The following TRIM34 variants were observed in gnomAD, a reference collection of about 807,000 sequenced individuals.
TRIM34 encodes the protein tripartite motif containing 34.
In TRIM34, 41 loss-of-function variants were observed where a neutral mutation model predicts 38.1. The observed-to-expected ratio is 1.08, with a 90% CI of 0.84 to 1.40. The LOEUF (loss-of-function observed/expected upper bound fraction) is 1.40, where lower values mean the gene tolerates loss of function less well. Among genes scored for constraint, TRIM34 ranks in the 40% most tolerant of loss-of-function variants. The probability of loss-of-function intolerance (pLI) is 0.00; values close to 1 mark genes in which losing one functional copy is unlikely to be tolerated. For missense variants in TRIM34, 556 were observed against 571.4 expected (o/e 0.97, Z 0.27); for synonymous variants, 200 against 202.5 (o/e 0.99, Z 0.10).
At chr11:5,640,673 G>A (rs1320174428) in intron 4 of TRIM34, among the ~76,000 whole-genome samples, 1 of 152,054 alleles carries the variant, frequency 6.6e-6, no homozygotes, top group African/African-American at 2.4e-5. Context: ...AATCAATTAG[G>A]AAGTGTTCCC....
At chr11:5,622,434 G>A (rs1849022735), upstream of TRIM34, among the ~76,000 whole-genome samples, 1 of 142,634 alleles carries the variant, frequency 7.0e-6, no homozygotes, top group African/African-American at 2.6e-5. Context: ...GACAGAGCGA[G>A]ACTACCTCTC....
rs1303277353 is a variant in TRIM34, at chr11:5,633,889, C to A, written c.509C>A (p.Thr170Asn). Residue 170 changes from threonine (T) to asparagine (N), a missense_variant, in exon 3 of 8, where the codon ACT becomes AAT. By Grantham distance (65) the Thr-to-Asn change is moderately conservative (BLOSUM62 0). Coordinates refer to ENST00000429814, the MANE Select transcript of TRIM34 (RefSeq NM_021616.6). The stretch of plus-strand genomic sequence containing the variant: ...GAAGCTGACATCAGAGAAGAGAAAA[C>A]TTCCTGGAAGGCAAGAGGAGATTCT... ...KLEADIREEKTSWKYQVQTER... is the reference protein window; with the variant it reads ...KLEADIREEKNSWKYQVQTER... The A allele has an allele frequency of 1.2e-6, 2 of 1,613,856 alleles. No individual in the cohort carries two copies. The highest frequency in any genetic ancestry group is 1.7e-5 in the Admixed American group (1 of 59,976).
intron 4 of TRIM34, among the ~76,000 whole-genome samples, chr11:5,640,075 T>A (rs927363174): frequency 6.6e-6 from 1 of 152,236 alleles, no homozygotes; most frequent in Non-Finnish European, 1.5e-5. Context: ...CTAAATCTTA[T>A]TCATTCTATC....
chr11:5,643,469 T>A lies in TRIM34; in HGVS notation c.1227T>A (p.Gly409=). 2 of 1,614,218 alleles carry A rather than the reference T, an allele frequency of 1.2e-6. No individual in the cohort carries two copies. The highest frequency in any genetic ancestry group is 1.7e-6 in the Non-Finnish European group (2 of 1,180,038). ...VIGLQNKCKY[G]VFEESLSSDP... ...GGTTACAGAATAAATGTAAGTATGGTGTCTTTGAAGAGTCTTTGTCCTCTG... is the reference window on the plus strand; with the variant it reads ...GGTTACAGAATAAATGTAAGTATGGAGTCTTTGAAGAGTCTTTGTCCTCTG... Residue 409 remains glycine (G), a synonymous_variant, in exon 8 of 8, where the codon GGT becomes GGA. Transcript: ENST00000429814.
chr11:5,642,299 G>A, intron 5 of TRIM34, 107 bp from the exon 6 acceptor site: 1 of 969,136 alleles, frequency 1.0e-6, no homozygotes, highest in Non-Finnish European at 1.5e-6. Context: ...GGCTCAGGGA[G>A]AAGGGTTCAA....
chr11:5,620,158 T>G (rs1380779808), upstream of TRIM34: 29 of 139,090 alleles, frequency 2.1e-4, no homozygotes, highest in Admixed American at 2.0e-3. Flanking sequence ...TTTTTTCCTT[T>G]TCTTTCTTCT....
At chr11:5,631,001 C>A (rs1029539143) in intron 1 of TRIM34, among the ~76,000 whole-genome samples, 1 of 152,228 alleles carries the variant, frequency 6.6e-6, no homozygotes, top group Non-Finnish European at 1.5e-5. Context: ...CTTCATCGCT[C>A]CTAAATGTGG....
chr11:5,622,865 G>A (rs929754120), upstream of TRIM34, among the ~76,000 whole-genome samples: 1 of 152,156 alleles, frequency 6.6e-6, no homozygotes, highest in Non-Finnish European at 1.5e-5. Flanking sequence ...GCCTCAGGAG[G>A]TCCTGACAAC....
chr11:5,620,437 G>A (rs1848949691), upstream of TRIM34, among the ~76,000 whole-genome samples: 1 of 151,346 alleles, frequency 6.6e-6, no homozygotes, highest in African/African-American at 2.4e-5. Context: ...TCCTGAACTC[G>A]TGATCCGCCC....
upstream of TRIM34, among the ~76,000 whole-genome samples, chr11:5,621,589 C>T (rs957713851): frequency 8.5e-5 from 13 of 152,174 alleles, no homozygotes; most frequent in Non-Finnish European, 1.6e-4. Context: ...GATTTTTCTA[C>T]CATTAATATA....
At chr11:5,630,290 CT>C (rs1018722765) in intron 1 of TRIM34, among the ~76,000 whole-genome samples, 1 of 152,102 alleles carries the variant, frequency 6.6e-6, no homozygotes, top group African/African-American at 2.4e-5. Context: ...TAATGATAAC[CT>C]TTTTTTCCCC....
rs1311673347 is a variant in TRIM34 at position 5,642,843 on chromosome 11, G to T, written c.901G>T (p.Val301Leu). ...ACTGACAGCTGTCCGGTGCTACTGG[G>T]GTAAGAAAAAGTTAGTCTTTAAATA... Reference protein sequence around the residue: ...RELTAVRCYWVDVTLNSVNLN... With the variant: ...RELTAVRCYWLDVTLNSVNLN... Residue 301 changes from valine to leucine, a missense_variant and splice_region_variant, in exon 7 of 8, where the codon GTG (valine) becomes TTG (leucine). Val to Leu is a conservative substitution (Grantham distance 32). Coordinates refer to ENST00000429814, the MANE Select transcript of TRIM34 (RefSeq NM_021616.6). 4 of 1,613,230 alleles carry T rather than the reference G, an allele frequency of 2.5e-6. No homozygotes were observed. Among genetic ancestry groups the T allele is most frequent in the African/African-American group, 1.3e-5 (1 of 74,812 alleles).
At chr11:5,639,117 C>G (rs889384433) in intron 4 of TRIM34, among the ~76,000 whole-genome samples, 9 of 152,116 alleles carry the variant, frequency 5.9e-5, no homozygotes, top group African/African-American at 2.2e-4. Context: ...TTCGATCAGA[C>G]TTTAAGGTAT....
At position 5,643,694 on chromosome 11, in the gene TRIM34, C is replaced by T. The variant is rs534766410; in HGVS notation, c.1452C>T (p.Cys484=). 6.3e-7 allele frequency: 1 copy of T among 1,588,040 alleles called. No individual in the cohort carries two copies. Among genetic ancestry groups the T allele is most frequent in the Non-Finnish European group, 8.5e-7 (1 of 1,170,702 alleles). Residue 484 remains cysteine (C), a synonymous_variant, in exon 8 of 8, where the codon TGC becomes TGT. Transcript: ENST00000429814. ...PWNCPAPMTL[C]PPSS ...ACTGTCCAGCTCCCATGACTCTATG[C>T]CCACCAAGCTCTTGAATTTTCTCAT...
chr11:5,626,372 G>A lies in TRIM34; in HGVS notation c.-78+1312G>A, dbSNP rs186819739. Among the ~76,000 whole-genome samples the A allele has an allele frequency of 3.8e-4, 58 of 152,310 alleles. 1 individual carries two copies. In the East Asian group the frequency reaches 0.011, roughly 28 times the overall value. On this transcript the variant is annotated intron_variant, in intron 1 of 7. Transcript: ENST00000429814. ...TACTATGGAGTAACATCTTCAAGAAGTTACATTAGGGTAATGACTCTGTAA... is the reference window on the plus strand; with the variant it reads ...TACTATGGAGTAACATCTTCAAGAAATTACATTAGGGTAATGACTCTGTAA...
At chr11:5,629,138 G>A (rs1208963706) in intron 1 of TRIM34, among the ~76,000 whole-genome samples, 3 of 152,104 alleles carry the variant, frequency 2.0e-5, no homozygotes, top group African/African-American at 4.8e-5. Context: ...TTAGTTGGGC[G>A]TGGTGGCATA....
intron 1 of TRIM34, among the ~76,000 whole-genome samples, chr11:5,626,394 G>A (rs1033820644): frequency 3.7e-4 from 57 of 152,208 alleles, no homozygotes; most frequent in African/African-American, 1.4e-3. Flanking sequence ...TAATGACTCT[G>A]TAAAGACCTC....
In TRIM34 at chr11:5,632,245, A is replaced by C. The variant is rs961836340; in HGVS notation, c.-77-10A>C. 1 of 1,585,400 alleles carries C rather than the reference A, an allele frequency of 6.3e-7. No homozygotes were observed. Among genetic ancestry groups the C allele is most frequent in the Non-Finnish European group, 8.6e-7 (1 of 1,169,276 alleles). On this transcript the variant is annotated splice_polypyrimidine_tract_variant and intron_variant, in intron 1 of 7. Transcript: ENST00000429814. ...ACCATTCTTATACCATCCCCTTTCAATCTTCTCAGCCATCCAGGGGTCTTT... is the reference window on the plus strand; with the variant it reads ...ACCATTCTTATACCATCCCCTTTCACTCTTCTCAGCCATCCAGGGGTCTTT...
Position 5,634,785 on chromosome 11 carries a change from A to G in TRIM34, c.674A>G (p.Gln225Arg). The change falls in exon 4 of 8, where the codon CAG (glutamine) becomes CGG (arginine). Residue 225 changes from glutamine (Q) to arginine (R), a missense_variant. Gln to Arg is a conservative substitution (Grantham distance 43). Coordinates refer to ENST00000429814, the MANE Select transcript of TRIM34 (RefSeq NM_021616.6). Reference sequence around the variant, plus strand: ...GCAGAGGCTGAGGATGAGCTAGTTCAGCAGAAGCAGTTGGTGAGAGAGCTC... The same window carrying G: ...GCAGAGGCTGAGGATGAGCTAGTTCGGCAGAAGCAGTTGGTGAGAGAGCTC... ...KFAEAEDELV[Q>R]QKQLVRELIS... The G allele has an allele frequency of 6.2e-7, 1 of 1,614,000 alleles. No homozygotes were observed. Among genetic ancestry groups the G allele is most frequent in the Non-Finnish European group, 8.5e-7 (1 of 1,179,904 alleles).
Sources: gnomAD v4.1 joint callset for allele counts (sites outside exome capture counted in the v4.1 genomes callset) on GRCh38, gnomAD v4.1.1 for gene constraint, MANE v1.5 for transcripts, NCBI Gene and HGNC (gene_info 2026-07-23, HGNC 2026-07-21) for gene names.